Variants in WNT10A observed in about 807,000 individuals in gnomAD.
WNT10A encodes Wnt family member 10A.
Under a neutral mutation model 36.1 loss-of-function variants are expected in WNT10A, and 37 were observed. That is an observed-to-expected ratio of 1.02 (90% CI 0.79 to 1.35). The LOEUF (loss-of-function observed/expected upper bound fraction) is 1.35. WNT10A is among the 40% of genes most tolerant of loss of function. The pLI, the probability that WNT10A is intolerant of heterozygous loss-of-function variation, is 0.00. For missense variants in WNT10A, 613 were observed against 601.4 expected (o/e 1.02, Z -0.20); for synonymous variants, 255 against 254.1 (o/e 1.00, Z -0.03).
In WNT10A at chr2:218,880,993, G is replaced by T. The variant is rs765099595; in HGVS notation, c.-3G>T. On this transcript the variant is annotated 5_prime_UTR_variant, in exon 1 of 4. Transcript: ENST00000258411. The surrounding 1 kb of genome is among the most constrained non-coding windows in gnomAD (Gnocchi z 7.7). ...ACTCCCAGCCCGTCAGGGCCTGCGC[G>T]CCATGGGCAGCGCCCACCCTCGCCC... The T allele has an allele frequency of 4.5e-6, 7 of 1,569,466 alleles. No homozygotes were observed. Among genetic ancestry groups the T allele is most frequent in the Non-Finnish European group, 6.0e-6 (7 of 1,157,034 alleles).
intron 2 of WNT10A, among the ~76,000 whole-genome samples, chr2:218,887,471 C>T (rs1944591845): frequency 6.6e-6 from 1 of 152,182 alleles, no homozygotes; most frequent in African/African-American, 2.4e-5. Flanking sequence ...GGTTCCACTT[C>T]CCCAGGGCAG....
intron 1 of WNT10A, among the ~76,000 whole-genome samples, chr2:218,881,658 C>G (rs543185706): frequency 1.4e-4 from 22 of 152,064 alleles, no homozygotes; most frequent in African/African-American, 5.3e-4. Context: ...GCTCATGGGT[C>G]AATGTATGTT....
upstream of WNT10A, among the ~76,000 whole-genome samples, chr2:218,877,710 G>A (rs952532739): frequency 6.6e-5 from 10 of 152,312 alleles, no homozygotes; most frequent in East Asian, 3.9e-4. This position sits in a 1 kb window ranked among gnomAD's most constrained non-coding sequence, Gnocchi z 4.1. Context: ...CCACGGGCTC[G>A]GGGAACAATT....
At chr2:218,881,341 T>C (rs1944511043) in intron 1 of WNT10A, among the ~76,000 whole-genome samples, 1 of 151,726 alleles carries the variant, frequency 6.6e-6, no homozygotes, top group Non-Finnish European at 1.5e-5. Context: ...TGATGGCAAC[T>C]AGGAGGGGAG....
intron 3 of WNT10A, among the ~76,000 whole-genome samples, chr2:218,890,571 C>T (rs1333713715): frequency 1.3e-5 from 2 of 152,200 alleles, no homozygotes; most frequent in Non-Finnish European, 2.9e-5. Flanking sequence ...AGGGCAGAAA[C>T]AAGCCCTGTT....
rs759060788 is a variant in WNT10A at position 218,892,852 on chromosome 2, G to A, written c.835G>A (p.Val279Met). 6.3e-7 allele frequency: 1 copy of A among 1,588,460 alleles called. No individual in the cohort carries two copies. Among genetic ancestry groups the A allele is most frequent in the Admixed American group, 1.7e-5 (1 of 57,222 alleles). The part of the protein sequence containing the change: ...GSCQLKTCWQ[V>M]TPEFRTVGAL... ...CTGCCAGCTCAAGACGTGCTGGCAGGTGACGCCCGAGTTCCGCACCGTGGG... is the reference window on the plus strand; with the variant it reads ...CTGCCAGCTCAAGACGTGCTGGCAGATGACGCCCGAGTTCCGCACCGTGGG... The change falls in exon 4 of 4, where the codon GTG (valine) becomes ATG (methionine). Residue 279 changes from valine to methionine, a missense_variant. Transcript: ENST00000258411.
Position 218,893,037 on chromosome 2 carries a change from A to G in WNT10A, c.1020A>G (p.Glu340=), listed in dbSNP as rs762305738. Residue 340 remains glutamate, a synonymous_variant, in exon 4 of 4, where the codon GAA becomes GAG. Coordinates refer to ENST00000258411, the MANE Select transcript of WNT10A (RefSeq NM_025216.3). This position sits in a 1 kb window ranked among gnomAD's most constrained non-coding sequence, Gnocchi z 6.3. The part of the protein sequence containing the change: ...RASPADLVYF[E]KSPDFCEREP... ...GCCCCGCCGACCTGGTCTACTTCGA[A>G]AAGTCTCCCGACTTCTGCGAGCGCG... is the stretch of plus-strand genomic sequence containing the variant. The G allele has an allele frequency of 6.3e-7, 1 of 1,595,548 alleles. No homozygotes were observed. The highest frequency in any genetic ancestry group is 8.5e-7 in the Non-Finnish European group (1 of 1,178,832).
At chr2:218,891,574 T>C (rs1420522020) in intron 3 of WNT10A, among the ~76,000 whole-genome samples, 1 of 152,162 alleles carries the variant, frequency 6.6e-6, no homozygotes, top group African/African-American at 2.4e-5. Flanking sequence ...ACAGCTCTTT[T>C]CCCAAGCCTC....
rs1221394460 is a variant in WNT10A at position 218,882,265 on chromosome 2, A to G, written c.218A>G (p.Glu73Gly). The G allele has an allele frequency of 1.9e-6, 3 of 1,614,138 alleles. No homozygotes were observed. Among genetic ancestry groups the G allele is most frequent in the South Asian group, 1.1e-5 (1 of 91,076 alleles). ...CCAGGCCTGAGCCGGCGGCAGATGG[A>G]GGTGTGTGTGCGTCACCCTGATGTG... The part of the protein sequence containing the change: ...TLPGLSRRQM[E>G]VCVRHPDVAA... Residue 73 changes from glutamate (E) to glycine (G), a missense_variant, in exon 2 of 4, where the codon GAG becomes GGG. Glu to Gly is a moderately conservative substitution (Grantham distance 98). Transcript: ENST00000258411.
Position 218,880,899 on chromosome 2 carries a change from GC to G in WNT10A, c.-93del, listed in dbSNP as rs1045439418. On this transcript the variant is annotated 5_prime_UTR_variant, in exon 1 of 4. Coordinates refer to ENST00000258411, the MANE Select transcript of WNT10A (RefSeq NM_025216.3). This position sits in a 1 kb window ranked among gnomAD's most constrained non-coding sequence, Gnocchi z 7.7. ...CGAGTCGGAGCTGTGTGTCGCAGCC[GC>G]CCCGACCCCCCGCCGATCATGCGCC... 1.1e-4 allele frequency: 160 copies of G among 1,404,568 alleles called. No homozygotes were observed. Among genetic ancestry groups the G allele is most frequent in the Non-Finnish European group, 1.4e-4 (154 of 1,071,038 alleles). The allele number at this position is 1,404,568 out of a possible 1,614,324, so 87.0% of individuals were successfully genotyped here. A position where few individuals can be genotyped will look rare whatever the true frequency, so the allele number is the denominator to read the frequency against.
intron 2 of WNT10A, among the ~76,000 whole-genome samples, chr2:218,887,287 G>A (rs1944589571): frequency 6.6e-6 from 1 of 152,118 alleles, no homozygotes; most frequent in African/African-American, 2.4e-5. Context: ...GTGTGTGTGG[G>A]TGATTTCTGA....
chr2:218,890,181 G>A lies in WNT10A; in HGVS notation c.574G>A (p.Val192Ile). The change falls in exon 3 of 4, where the codon GTC (valine) becomes ATC (isoleucine). Residue 192 changes from valine to isoleucine, a missense_variant. Physicochemically the swap from Val to Ile is conservative, Grantham distance 29 (BLOSUM62 3). Coordinates refer to ENST00000258411, the MANE Select transcript of WNT10A (RefSeq NM_025216.3). ...GCGTGGTAAGGGCCTGAGCCATGGG[G>A]TCCCGGAACACCCAGCCCTGCCCAC... ...LQRGKGLSHG[V>I]PEHPALPTAS... is the part of the protein sequence containing the mutation. 1 of 1,614,096 alleles carries A rather than the reference G, an allele frequency of 6.2e-7. No homozygotes were observed. Among genetic ancestry groups the A allele is most frequent in the South Asian group, 1.1e-5 (1 of 91,088 alleles).
rs751323479 is a variant in WNT10A, at chr2:218,893,006, G to C, written c.989G>C (p.Arg330Pro). Reference protein sequence around the residue: ...PAPGAPGPRRRASPADLVYFE... With the variant: ...PAPGAPGPRRPASPADLVYFE... Reference sequence around the variant, plus strand: ...CCGGGCGCTCCCGGGCCGCGCCGACGGGCCAGCCCCGCCGACCTGGTCTAC... The same window carrying C: ...CCGGGCGCTCCCGGGCCGCGCCGACCGGCCAGCCCCGCCGACCTGGTCTAC... The change falls in exon 4 of 4, where the codon CGG becomes CCG. Residue 330 changes from arginine to proline, a missense_variant. Arg to Pro is a moderately radical substitution (Grantham distance 103). Transcript: ENST00000258411. This position sits in a 1 kb window ranked among gnomAD's most constrained non-coding sequence, Gnocchi z 6.3. The C allele has an allele frequency of 3.5e-5, 54 of 1,550,472 alleles. No homozygotes were observed. The highest frequency in any genetic ancestry group is 4.7e-5 in the Non-Finnish European group (54 of 1,158,974).
intron 2 of WNT10A, among the ~76,000 whole-genome samples, chr2:218,882,764 G>A (rs1226567853): frequency 1.3e-5 from 2 of 152,182 alleles, no homozygotes; most frequent in Non-Finnish European, 2.9e-5. Flanking sequence ...CCTCTGCTTA[G>A]TAAACCACAT....
At chr2:218,891,072 C>T (rs1201309667) in intron 3 of WNT10A, among the ~76,000 whole-genome samples, 1 of 152,192 alleles carries the variant, frequency 6.6e-6, no homozygotes, top group Non-Finnish European at 1.5e-5. Context: ...ACATATTAAC[C>T]TATTTAATCC....
Position 218,892,833 on chromosome 2 carries a change from G to GAT in WNT10A, c.816_817insAT (p.Leu273IlefsTer8). On this transcript the variant is annotated frameshift_variant, in exon 4 of 4. Coordinates refer to ENST00000258411, the MANE Select transcript of WNT10A (RefSeq NM_025216.3). LOFTEE classifies it high-confidence loss of function. ...GCCACGGCACGTCAGGCAGCTGCCA[G>GAT]CTCAAGACGTGCTGGCAGGTGACGC... 1.9e-6 allele frequency: 3 copies of GAT among 1,596,144 alleles called. No homozygotes were observed. Among genetic ancestry groups the GAT allele is most frequent in the Non-Finnish European group, 2.6e-6 (3 of 1,172,864 alleles).
intron 2 of WNT10A, among the ~76,000 whole-genome samples, chr2:218,885,082 G>A (rs968854058): frequency 6.6e-6 from 1 of 152,190 alleles, no homozygotes; most frequent in African/African-American, 2.4e-5. Context: ...GAGGGCTTGA[G>A]CATCTGAAGT....
At chr2:218,885,359 C>G (rs1002443590) in intron 2 of WNT10A, among the ~76,000 whole-genome samples, 1 of 152,188 alleles carries the variant, frequency 6.6e-6, no homozygotes, top group Admixed American at 6.5e-5. Context: ...GGGCTGGGTA[C>G]TGGGCAGAAC....
chr2:218,880,708 C>A (rs1185244467), upstream of WNT10A: 1 of 381,224 alleles, frequency 2.6e-6, no homozygotes, highest in African/African-American at 2.2e-5. The surrounding 1 kb of genome is among the most constrained non-coding windows in gnomAD (Gnocchi z 7.7). Flanking sequence ...CCTTGAGAGG[C>A]ACCGGGAGTT....
Sources: gnomAD v4.1 joint callset for allele counts (sites outside exome capture counted in the v4.1 genomes callset) on GRCh38, gnomAD v4.1.1 for gene constraint, Gnocchi (gnomAD v3.1) non-coding constraint, MANE v1.5 for transcripts, NCBI Gene and HGNC (gene_info 2026-07-23, HGNC 2026-07-21) for gene names.